The following ZCWPW2 variants were observed in gnomAD, a reference collection of about 807,000 sequenced individuals.
The protein encoded by ZCWPW2 is zinc finger CW-type PWWP domain protein 2.
A neutral mutation model predicts 46.6 loss-of-function variants in ZCWPW2; 45 were observed. That is an observed-to-expected ratio of 0.96 (90% confidence interval 0.76 to 1.24). The LOEUF (loss-of-function observed/expected upper bound fraction) is 1.24, where lower values mean the gene tolerates loss of function less well. Ranked by LOEUF, ZCWPW2 falls within the 50% of genes most tolerant of loss-of-function variation. The pLI, the probability that ZCWPW2 is intolerant of heterozygous loss-of-function variation, is 0.00. For synonymous variants in ZCWPW2, 152 were observed against 137.1 expected (o/e 1.11, Z -0.76); for missense variants, 429 against 403.9 (o/e 1.06, Z -0.53).
intron 4 of ZCWPW2, among the ~76,000 whole-genome samples, chr3:28,467,072 A>G (rs1421833181): frequency 1.3e-5 from 2 of 152,186 alleles, no homozygotes; most frequent in African/African-American, 4.8e-5. Flanking sequence ...GATTTGACAG[A>G]TTAATAGAAA....
intron 5 of ZCWPW2, among the ~76,000 whole-genome samples, chr3:28,486,912 C>T (rs2125811991): frequency 6.7e-6 from 1 of 148,550 alleles, no homozygotes; most frequent in East Asian, 2.0e-4. Context: ...TTCTAGGTGG[C>T]TGTGTTATTT....
At position 28,361,872 on chromosome 3, in the gene ZCWPW2, G is replaced by A. The variant is rs889266144; in HGVS notation, c.-134+12669G>A. Among the ~76,000 whole-genome samples, 13 of 152,146 alleles carry A rather than the reference G, an allele frequency of 8.5e-5. No individual in the cohort carries two copies. The East Asian group carries it at 2.1e-3, about 25-fold the overall frequency. On this transcript the variant is annotated intron_variant, in intron 1 of 9. Transcript: ENST00000383768. ...CTATAATTTTTTTTAAAGGCAGAAA[G>A]TAAGTGTTGGTGAGGATGTGGAGAA...
chr3:28,353,510 T>C (rs1389979500), intron 1 of ZCWPW2, among the ~76,000 whole-genome samples: 1 of 152,236 alleles, frequency 6.6e-6, no homozygotes, highest in Non-Finnish European at 1.5e-5. Context: ...AGATGCATGA[T>C]GGTAGATTTT....
chr3:28,475,526 C>A (rs1369596067), intron 4 of ZCWPW2, among the ~76,000 whole-genome samples: 2 of 152,188 alleles, frequency 1.3e-5, no homozygotes, highest in African/African-American at 4.8e-5. Flanking sequence ...CAGAACTCTG[C>A]CATGGTGCCA....
At chr3:28,481,059 G>T (rs1194128682) in intron 5 of ZCWPW2, among the ~76,000 whole-genome samples, 1 of 151,872 alleles carries the variant, frequency 6.6e-6, no homozygotes, top group African/African-American at 2.4e-5. Flanking sequence ...TAGAGATGGG[G>T]TTTCACCATG....
At chr3:28,372,279 A>G (rs185678098) in intron 1 of ZCWPW2, among the ~76,000 whole-genome samples, 2 of 152,316 alleles carry the variant, frequency 1.3e-5, no homozygotes, top group Admixed American at 1.3e-4. Context: ...TAGCCATAAT[A>G]TTAAAGAACC....
At chr3:28,466,698 C>T (rs1233809172) in intron 4 of ZCWPW2, among the ~76,000 whole-genome samples, 1 of 152,090 alleles carries the variant, frequency 6.6e-6, no homozygotes, top group Non-Finnish European at 1.5e-5. Flanking sequence ...ACTCGGAAGG[C>T]TCAGGCACGA....
chr3:28,360,766 A>G (rs1704911050), intron 1 of ZCWPW2, among the ~76,000 whole-genome samples: 1 of 152,162 alleles, frequency 6.6e-6, no homozygotes, highest in South Asian at 2.1e-4. Flanking sequence ...ACAGAAAATA[A>G]CTATCCTAAA....
At chr3:28,461,646 C>G (rs1403572908) in intron 4 of ZCWPW2, 2 of 152,016 alleles carry the variant, frequency 1.3e-5, no homozygotes, top group South Asian at 2.1e-4. Context: ...TCTATTTATA[C>G]TACTCAATAA....
chr3:28,518,723 G>A (rs192499599), intron 8 of ZCWPW2, among the ~76,000 whole-genome samples: 10 of 152,244 alleles, frequency 6.6e-5, no homozygotes, highest in Admixed American at 2.0e-4. Flanking sequence ...TTTGTTTGCC[G>A]TTTTTTCTTT....
chr3:28,487,627 T>C (rs1008946587), intron 5 of ZCWPW2, among the ~76,000 whole-genome samples: 1 of 152,184 alleles, frequency 6.6e-6, no homozygotes, highest in Non-Finnish European at 1.5e-5. Flanking sequence ...GCTTGCTCTG[T>C]CTCTTCAAAT....
Position 28,377,309 on chromosome 3 carries a change from C to T in ZCWPW2, c.-133-13189C>T, listed in dbSNP as rs995506000. Among the ~76,000 whole-genome samples the T allele has an allele frequency of 3.3e-5, 5 of 151,986 alleles. No homozygotes were observed. The East Asian group carries it at 5.8e-4, about 18-fold the overall frequency. On this transcript the variant is annotated intron_variant, in intron 1 of 9. Coordinates refer to ENST00000383768, the MANE Select transcript of ZCWPW2 (RefSeq NM_001040432.4). ...AGAGTCCTTTTCTTAATATTTGTGT[C>T]GTGATTCTTGAAACAATCATTATGC... is the stretch of plus-strand genomic sequence containing the variant.
intron 1 of ZCWPW2, among the ~76,000 whole-genome samples, chr3:28,351,251 AAT>A (rs767833726): frequency 6.7e-6 from 1 of 148,694 alleles, no homozygotes; most frequent in Admixed American, 6.7e-5. Context: ...TTATATAAAA[AAT>A]ATATATATAT....
At chr3:28,366,338 G>C (rs2125697507) in intron 1 of ZCWPW2, among the ~76,000 whole-genome samples, 1 of 106,922 alleles carries the variant, frequency 9.4e-6, no homozygotes, top group East Asian at 2.6e-4. Context: ...AATTTATTGA[G>C]AGTTTTTAGC....
intron 1 of ZCWPW2, among the ~76,000 whole-genome samples, chr3:28,389,093 A>G (rs1010244340): frequency 6.6e-6 from 1 of 152,122 alleles, no homozygotes; most frequent in African/African-American, 2.4e-5. Flanking sequence ...CTCCTAGTGG[A>G]AGCATTTTTC....
At chr3:28,490,038 CAT>C (rs1699753280) in intron 5 of ZCWPW2, among the ~76,000 whole-genome samples, 1 of 151,984 alleles carries the variant, frequency 6.6e-6, no homozygotes, top group African/African-American at 2.4e-5. Flanking sequence ...CAAAAGAAAA[CAT>C]ATATGTGGCT....
chr3:28,494,656 C>T (rs1296747259), intron 6 of ZCWPW2, among the ~76,000 whole-genome samples: 1 of 143,488 alleles, frequency 7.0e-6, no homozygotes, highest in African/African-American at 2.6e-5. Context: ...TTGCAGACGA[C>T]ATGATTGTTT....
At chr3:28,522,401 T>C (rs1006857697) in intron 9 of ZCWPW2, among the ~76,000 whole-genome samples, 1 of 152,178 alleles carries the variant, frequency 6.6e-6, no homozygotes, top group African/African-American at 2.4e-5. Flanking sequence ...TCATCTCTCT[T>C]TTCCCACATT....
intron 8 of ZCWPW2, among the ~76,000 whole-genome samples, chr3:28,516,525 A>G (rs1017127249): frequency 6.6e-5 from 10 of 152,110 alleles, no homozygotes; most frequent in African/African-American, 1.7e-4. Context: ...CTCCTTCTAC[A>G]TTTTCTTTAG....
Sources: allele counts gnomAD v4.1 joint callset (sites outside exome capture counted in the v4.1 genomes callset), GRCh38; gene constraint gnomAD v4.1.1; transcripts MANE v1.5; gene names NCBI Gene and HGNC (gene_info 2026-07-23, HGNC 2026-07-21).